CNTNAP2: variants seen among roughly 807,000 people sequenced by gnomAD.
CNTNAP2 encodes the protein contactin-associated protein-like 2.
CNTNAP2 carries 98 observed loss-of-function variants against 155.2 expected under a neutral mutation model. The ratio of observed to expected loss-of-function variants is 0.63; its 90% CI spans 0.54 to 0.75. CNTNAP2 has a LOEUF of 0.75. Ranked by LOEUF, CNTNAP2 falls within the 30% of genes least tolerant of loss-of-function variation. The pLI is 0.00. For missense variants in CNTNAP2, 1,727 were observed against 1,688.1 expected, an observed-to-expected ratio of 1.02 and a Z score of -0.40; for synonymous variants, 651 against 631.2, an observed-to-expected ratio of 1.03 and a Z score of -0.47.
At chr7:147,037,814 T>A (rs1799185879) in intron 3 of CNTNAP2, among the ~76,000 whole-genome samples, 1 of 152,198 alleles carries the variant, frequency 6.6e-6, no homozygotes, top group African/African-American at 2.4e-5. Flanking sequence ...TTTTATTAAA[T>A]CAACGGCTAC....
At chr7:147,619,895 T>C (rs1254985792) in intron 12 of CNTNAP2, among the ~76,000 whole-genome samples, 1 of 152,222 alleles carries the variant, frequency 6.6e-6, no homozygotes, top group East Asian at 1.9e-4. Context: ...CTGTGCTGGC[T>C]TTAGATCTGA....
At chr7:147,922,141 G>C (rs1184435879) in intron 14 of CNTNAP2, among the ~76,000 whole-genome samples, 1 of 152,186 alleles carries the variant, frequency 6.6e-6, no homozygotes, top group Non-Finnish European at 1.5e-5. Context: ...AAATACGCAT[G>C]TCGATGCAAA....
chr7:147,429,602 G>A (rs368305301), intron 10 of CNTNAP2, among the ~76,000 whole-genome samples: 1 of 151,878 alleles, frequency 6.6e-6, no homozygotes, highest in African/African-American at 2.4e-5. Context: ...TGTTTTTGTT[G>A]CATTTGCTTT....
intron 1 of CNTNAP2, among the ~76,000 whole-genome samples, chr7:146,260,708 A>T (rs1285550065): frequency 6.6e-6 from 1 of 152,092 alleles, no homozygotes; most frequent in African/African-American, 2.4e-5. Flanking sequence ...TCTATCTTGG[A>T]ATTAGCTAAC....
chr7:147,544,538 TA>T (rs950642370), intron 11 of CNTNAP2, among the ~76,000 whole-genome samples: 40 of 148,520 alleles, frequency 2.7e-4, no homozygotes, highest in East Asian at 9.8e-4. Flanking sequence ...TCTATTCCAA[TA>T]AAAAAAAAAT....
At chr7:148,112,346 T>A (rs1804370397) in intron 15 of CNTNAP2, among the ~76,000 whole-genome samples, 1 of 151,786 alleles carries the variant, frequency 6.6e-6, no homozygotes. Context: ...AAAATACAAG[T>A]AGATTTTATT....
Position 147,187,306 on chromosome 7 carries a change from G to C in CNTNAP2, c.1348+54797G>C, listed in dbSNP as rs139673419. Among the ~76,000 whole-genome samples the C allele has an allele frequency of 8.2e-3, 1,242 of 152,212 alleles. 15 individuals carry two copies. Among genetic ancestry groups the C allele is most frequent in the African/African-American group, 0.029 (1,188 of 41,520 alleles). On this transcript the variant is annotated intron_variant, in intron 8 of 23. Coordinates refer to ENST00000361727, the MANE Select transcript of CNTNAP2 (RefSeq NM_014141.6). Reference sequence around the variant, plus strand: ...GAGAGGCTCCCAAGCTCCTGCCAGAGGTACTGAGTGAAGAGTAGACTCATT... The same window carrying C: ...GAGAGGCTCCCAAGCTCCTGCCAGACGTACTGAGTGAAGAGTAGACTCATT...
intron 3 of CNTNAP2, among the ~76,000 whole-genome samples, chr7:146,843,036 C>T (rs1275431548): frequency 5.7e-5 from 4 of 70,138 alleles, no homozygotes; most frequent in East Asian, 5.2e-4. Flanking sequence ...GACGGAGTCT[C>T]GCTCTGTCGC....
chr7:147,001,857 A>C (rs576905104), intron 3 of CNTNAP2, among the ~76,000 whole-genome samples: 1 of 152,110 alleles, frequency 6.6e-6, no homozygotes, highest in East Asian at 1.9e-4. Flanking sequence ...TGTACAGGGG[A>C]AGGAAAGCTT....
intron 13 of CNTNAP2, among the ~76,000 whole-genome samples, chr7:147,865,318 A>G (rs956252578): frequency 6.6e-6 from 1 of 152,130 alleles, no homozygotes; most frequent in African/African-American, 2.4e-5. Flanking sequence ...ATGCTGCTGG[A>G]TTCGGTTTGC....
chr7:148,233,207 A>G (rs1457423841), intron 20 of CNTNAP2, among the ~76,000 whole-genome samples: 1 of 152,218 alleles, frequency 6.6e-6, no homozygotes, highest in African/African-American at 2.4e-5. Flanking sequence ...CAACAATTCC[A>G]AAGCCTTGTG....
chr7:146,438,951 G>C (rs1036249267), intron 1 of CNTNAP2, among the ~76,000 whole-genome samples: 1 of 151,214 alleles, frequency 6.6e-6, no homozygotes, highest in African/African-American at 2.5e-5. Flanking sequence ...TATTCTTCAG[G>C]CTATTTTCAT....
intron 8 of CNTNAP2, among the ~76,000 whole-genome samples, chr7:147,187,935 C>G (rs1802601699): frequency 6.6e-6 from 1 of 152,052 alleles, no homozygotes; most frequent in Admixed American, 6.6e-5. Context: ...GTGGTGCACA[C>G]CTGTGGTCCC....
rs181543498 is a variant in CNTNAP2, at chr7:147,332,430, G to T, written c.1498+32140G>T. Among the ~76,000 whole-genome samples the T allele has an allele frequency of 1.1e-4, 16 of 152,186 alleles. No homozygotes were observed. The East Asian group carries it at 3.1e-3, about 29-fold the overall frequency. On this transcript the variant is annotated intron_variant, in intron 9 of 23. Coordinates refer to ENST00000361727, the MANE Select transcript of CNTNAP2 (RefSeq NM_014141.6). ...TGCTTTCTTCATCATTTCTAAAAAT[G>T]CGGATATTTTTACTTACCACTCAGA...
At chr7:146,125,630 T>A (rs182471265) in intron 1 of CNTNAP2, among the ~76,000 whole-genome samples, 1,561 of 150,082 alleles carry the variant, frequency 0.01, 17 homozygotes, top group African/African-American at 0.029. Context: ...ATTGTGTCAG[T>A]TGACAAAAAT....
intron 1 of CNTNAP2, among the ~76,000 whole-genome samples, chr7:146,163,499 C>CTATATATATATATATATCTATA (rs1308594081): frequency 1.1e-5 from 1 of 91,966 alleles, no homozygotes; most frequent in Non-Finnish European, 2.2e-5. Flanking sequence ...ATATCTATAT[C>CTATATATATATATATATCTATA]TATATATCTA....
chr7:147,511,575 A>G (rs1331552982), intron 11 of CNTNAP2, among the ~76,000 whole-genome samples: 5 of 151,868 alleles, frequency 3.3e-5, no homozygotes, highest in Non-Finnish European at 7.4e-5. Flanking sequence ...TTATGTGTAC[A>G]TAATGTTTCT....
chr7:146,636,673 T>G (rs1799605149), intron 1 of CNTNAP2, among the ~76,000 whole-genome samples: 1 of 152,240 alleles, frequency 6.6e-6, no homozygotes, highest in Non-Finnish European at 1.5e-5. Flanking sequence ...TCAGCTTCAC[T>G]GATTATTTGT....
At chr7:148,410,717 C>G (rs1585356420) in intron 23 of CNTNAP2, among the ~76,000 whole-genome samples, 1 of 151,856 alleles carries the variant, frequency 6.6e-6, no homozygotes, top group Non-Finnish European at 1.5e-5. Context: ...CTCACTGATA[C>G]ACAGGAGCTA....
Sources: allele counts gnomAD v4.1 joint callset (sites outside exome capture counted in the v4.1 genomes callset), GRCh38; gene constraint gnomAD v4.1.1; transcripts MANE v1.5; gene names NCBI Gene and HGNC (gene_info 2026-07-23, HGNC 2026-07-21).